The following C3orf20 variants were observed in gnomAD, a reference collection of about 807,000 sequenced individuals.
C3orf20 encodes uncharacterized protein C3orf20.
Under a neutral mutation model 88.3 loss-of-function variants are expected in C3orf20, and 76 were observed. The observed-to-expected ratio is 0.86, with a 90% CI of 0.72 to 1.04. The LOEUF (loss-of-function observed/expected upper bound fraction) is 1.04. C3orf20 is among the 50% of genes least tolerant of loss of function. C3orf20 has a pLI of 0.00. For missense variants in C3orf20, 1,056 were observed against 1,123.3 expected (o/e 0.94, Z 0.86); for synonymous variants, 436 against 437.4 (o/e 1.00, Z 0.04).
intron 5 of C3orf20, among the ~76,000 whole-genome samples, chr3:14,696,145 C>T: frequency 6.7e-6 from 1 of 148,572 alleles, no homozygotes; most frequent in Non-Finnish European, 1.5e-5. Context: ...TTTTGTGTAC[C>T]CATTGTGTGT....
rs1017490130 is a variant in C3orf20 at position 14,759,967 on chromosome 3, A to G, written c.2321A>G (p.Lys774Arg). The G allele has an allele frequency of 1.2e-6, 2 of 1,613,936 alleles. No individual in the cohort carries two copies. Among genetic ancestry groups the G allele is most frequent in the African/African-American group, 2.7e-5 (2 of 74,900 alleles). ...CAGGAGGACCCTCCCCTGATGGTGA[A>G]GAAGAACTCTGTGGTGCAGGGGATG... is the stretch of plus-strand genomic sequence containing the variant. The part of the protein sequence containing the change: ...PLQEDPPLMV[K>R]KNSVVQGMIL... Residue 774 changes from lysine (K) to arginine (R), a missense_variant, in exon 14 of 17, where the codon AAG (lysine) becomes AGG (arginine). Transcript: ENST00000253697.
chr3:14,718,600 T>G (rs899045503), intron 9 of C3orf20, among the ~76,000 whole-genome samples: 2 of 152,228 alleles, frequency 1.3e-5, no homozygotes, highest in Non-Finnish European at 2.9e-5. Context: ...GTTCTTCACA[T>G]ATTGAATAAT....
chr3:14,722,364 A>G, intron 10 of C3orf20: 2 of 420,024 alleles, frequency 4.8e-6, no homozygotes, highest in African/African-American at 2.0e-5. Context: ...TATTGCTCCC[A>G]TTGACTAGGC....
intron 14 of C3orf20, 58 bp downstream of exon 14, chr3:14,760,056 C>A (rs2035511317): frequency 5.6e-6 from 7 of 1,252,730 alleles, no homozygotes; most frequent in South Asian, 1.2e-5. Flanking sequence ...GCCACCTCTG[C>A]CCCTGCAGAA....
At chr3:14,737,364 G>T (rs2034749411) in intron 12 of C3orf20, among the ~76,000 whole-genome samples, 1 of 151,588 alleles carries the variant, frequency 6.6e-6, no homozygotes, top group Non-Finnish European at 1.5e-5. Context: ...TGGAAATATT[G>T]TAGATTTGGT....
chr3:14,747,512 A>G (rs2125017335), intron 12 of C3orf20, among the ~76,000 whole-genome samples: 1 of 152,348 alleles, frequency 6.6e-6, no homozygotes, highest in South Asian at 2.1e-4. Context: ...CTGGATTGAA[A>G]GAACCAAGAC....
chr3:14,687,361 T>C (rs1361879876), intron 4 of C3orf20, among the ~76,000 whole-genome samples: 2 of 152,236 alleles, frequency 1.3e-5, no homozygotes, highest in Non-Finnish European at 2.9e-5. Flanking sequence ...AAAGTTGTGA[T>C]AAAACACTCT....
At chr3:14,746,758 C>T (rs2035068879) in intron 12 of C3orf20, among the ~76,000 whole-genome samples, 1 of 152,204 alleles carries the variant, frequency 6.6e-6, no homozygotes, top group East Asian at 1.9e-4. Flanking sequence ...TGGAGTTTGT[C>T]ATTGAGTTCT....
In C3orf20 at chr3:14,683,147, T is replaced by C. The variant is rs747346091; in HGVS notation, c.434T>C (p.Leu145Pro). 1 of 1,612,894 alleles carries C rather than the reference T, an allele frequency of 6.2e-7. No homozygotes were observed. The highest frequency in any genetic ancestry group is 8.5e-7 in the Non-Finnish European group (1 of 1,179,408). Reference protein sequence around the residue: ...NRFQQQSIHLLTELLRLKMKA... With the variant: ...NRFQQQSIHLPTELLRLKMKA... ...TTTCAGCAGCAGTCCATCCACCTGC[T>C]GACGGAGCTCCTCAGACTGAAGATG... is the stretch of plus-strand genomic sequence containing the variant. Residue 145 changes from leucine (L) to proline (P), a missense_variant, in exon 3 of 17, where the codon CTG (leucine) becomes CCG (proline). Coordinates refer to ENST00000253697, the MANE Select transcript of C3orf20 (RefSeq NM_032137.5).
chr3:14,766,602 T>G (rs1316796035), intron 15 of C3orf20, among the ~76,000 whole-genome samples: 1 of 152,194 alleles, frequency 6.6e-6, no homozygotes, highest in African/African-American at 2.4e-5. Flanking sequence ...TAGTCACTAT[T>G]TGCAGGCCCC....
chr3:14,714,109 C>A lies in C3orf20; in HGVS notation c.1263C>A (p.Ala421=), dbSNP rs766033368. 1 of 1,613,994 alleles carries A rather than the reference C, an allele frequency of 6.2e-7. No individual in the cohort carries two copies. The highest frequency in any genetic ancestry group is 8.5e-7 in the Non-Finnish European group (1 of 1,179,994). ...FNDIPGFSLL[A]LFNTEGQGCV... is the part of the protein sequence containing the mutation. The stretch of plus-strand genomic sequence containing the variant: ...ACATACCTGGATTCTCCTTGCTGGC[C>A]CTATTCAATACTGAAGGCCAGGGCT... Residue 421 remains alanine, a synonymous_variant, in exon 8 of 17, where the codon GCC becomes GCA. Coordinates refer to ENST00000253697, the MANE Select transcript of C3orf20 (RefSeq NM_032137.5).
chr3:14,702,585 T>G (rs1185347330), intron 5 of C3orf20, among the ~76,000 whole-genome samples: 1 of 151,886 alleles, frequency 6.6e-6, no homozygotes, highest in African/African-American at 2.4e-5. Flanking sequence ...GAACTACAGG[T>G]GCACACCAGC....
chr3:14,715,543 C>A, intron 9 of C3orf20, 134 bp downstream of exon 9: 1 of 1,180,526 alleles, frequency 8.5e-7, no homozygotes, highest in Non-Finnish European at 1.1e-6. Context: ...CCTGAAGGAG[C>A]TCATAATCTC....
rs1200442604 is a variant in C3orf20 at position 14,684,385 on chromosome 3, G to A, written c.625+3G>A. ...CAGCAGCGGACAGTTGTGGAAAGGT[G>A]GGTACCTGAGCTTCAACCCTTAGGT... On this transcript the variant is annotated splice_donor_region_variant and intron_variant, in intron 4 of 16. Transcript: ENST00000253697. 1.9e-6 allele frequency: 3 copies of A among 1,613,556 alleles called. No individual in the cohort carries two copies. The highest frequency in any genetic ancestry group is 1.7e-4 in the Middle Eastern group (1 of 6,054).
chr3:14,709,642 C>A (rs1009591426), intron 7 of C3orf20, among the ~76,000 whole-genome samples: 1 of 152,192 alleles, frequency 6.6e-6, no homozygotes, highest in African/African-American at 2.4e-5. Flanking sequence ...TTCCCCCCAA[C>A]CCCCGCCATT....
At chr3:14,751,204 T>C (rs1594634) in intron 12 of C3orf20, among the ~76,000 whole-genome samples, 9,398 of 152,326 alleles carry the variant, frequency 0.062, 429 homozygotes, top group East Asian at 0.13. Context: ...TGGTTTCCTT[T>C]AGTTGTTTTT....
chr3:14,680,231 C>CA (rs1329861613), intron 1 of C3orf20, among the ~76,000 whole-genome samples: 3 of 151,710 alleles, frequency 2.0e-5, no homozygotes. Context: ...TCATAATAGC[C>CA]AAAAAATAAA....
chr3:14,729,983 T>A (rs1021239759), intron 12 of C3orf20, among the ~76,000 whole-genome samples: 1 of 152,220 alleles, frequency 6.6e-6, no homozygotes, highest in East Asian at 1.9e-4. Context: ...AGTAAACATA[T>A]CCTATAACTA....
At position 14,743,154 on chromosome 3, in the gene C3orf20, G is replaced by A. The variant is rs148785294; in HGVS notation, c.1941-14217G>A. Among the ~76,000 whole-genome samples the A allele has an allele frequency of 8.6e-4, 131 of 152,024 alleles. 1 individual carries two copies. The highest frequency in any genetic ancestry group is 1.3e-3 in the Non-Finnish European group (87 of 68,022). ...ATCTGAGACAAGGCAAGTCCCTTCC[G>A]CCTGTGAGCCTTTAAAATTGAAAGC... is the stretch of plus-strand genomic sequence containing the variant. On this transcript the variant is annotated intron_variant, in intron 12 of 16. Transcript: ENST00000253697.
Sources: allele counts gnomAD v4.1 joint callset (sites outside exome capture counted in the v4.1 genomes callset), GRCh38; gene constraint gnomAD v4.1.1; transcripts MANE v1.5; gene names NCBI Gene and HGNC (gene_info 2026-07-23, HGNC 2026-07-21).